The following TENM4 variants were observed in gnomAD, a reference collection of about 807,000 sequenced individuals.
TENM4 encodes the protein teneurin-4.
A neutral mutation model predicts 243.3 loss-of-function variants in TENM4; 82 were observed. That is an observed-to-expected ratio of 0.34 (90% CI 0.28 to 0.40). The LOEUF (loss-of-function observed/expected upper bound fraction) is 0.40. Ranked by LOEUF, TENM4 falls within the 10% of genes least tolerant of loss-of-function variation. The pLI is 1.00. For synonymous variants in TENM4, 1,412 were observed against 1,456.3 expected, an observed-to-expected ratio of 0.97 and a Z score of 0.69; for missense variants, 3,138 against 3,673.3, an observed-to-expected ratio of 0.85 and a Z score of 3.77.
At chr11:79,276,361 A>G (rs891722064) in intron 2 of TENM4, among the ~76,000 whole-genome samples, 2 of 152,220 alleles carry the variant, frequency 1.3e-5, no homozygotes, top group Non-Finnish European at 2.9e-5. Flanking sequence ...GAGGAAGGGC[A>G]TTGTCTTCTA....
intron 9 of TENM4, among the ~76,000 whole-genome samples, chr11:78,867,725 T>C (rs1233654992): frequency 6.6e-6 from 1 of 152,082 alleles, no homozygotes; most frequent in African/African-American, 2.4e-5. Context: ...TAAAAGTAGG[T>C]TGAAAAAACA....
chr11:79,324,171 C>T (rs1429166282), intron 1 of TENM4, among the ~76,000 whole-genome samples: 1 of 151,942 alleles, frequency 6.6e-6, no homozygotes, highest in Non-Finnish European at 1.5e-5. Context: ...ATTTTTTACT[C>T]ATTATTTTTA....
intron 3 of TENM4, among the ~76,000 whole-genome samples, chr11:79,192,416 G>T (rs1863533421): frequency 6.6e-6 from 1 of 152,196 alleles, no homozygotes; most frequent in Non-Finnish European, 1.5e-5. Context: ...ATTTTGTTCT[G>T]TACTAAGAAA....
rs554559558 is a variant in TENM4 at position 78,772,960 on chromosome 11, G to A, written c.2393-1822C>T. 2.6e-5 allele frequency among the ~76,000 whole-genome samples: 4 copies of A among 152,352 alleles called. No homozygotes were observed. In the South Asian group the frequency reaches 8.3e-4, roughly 32 times the overall value. ...AGTGATTGAGAAAGAAGTTTTAAAA[G>A]CGAGCCCCAGGAGCAGAGCTGTGAC... On this transcript the variant is annotated intron_variant, in intron 17 of 33. Transcript: ENST00000278550.
At chr11:79,077,420 A>C (rs1018549128) in intron 4 of TENM4, among the ~76,000 whole-genome samples, 8 of 152,210 alleles carry the variant, frequency 5.3e-5, no homozygotes, top group Non-Finnish European at 7.3e-5. Flanking sequence ...AAGGAGAGAA[A>C]AAAGTTTAGA....
rs982389369 is a variant in TENM4, at chr11:79,438,085, G to A, written c.-321+2424C>T. Among the ~76,000 whole-genome samples, 12 of 152,232 alleles carry A rather than the reference G, an allele frequency of 7.9e-5. 1 individual carries two copies. The highest frequency in any genetic ancestry group is 3.9e-4 in the Admixed American group (6 of 15,298). On this transcript the variant is annotated intron_variant, in intron 1 of 33. Coordinates refer to ENST00000278550, the MANE Select transcript of TENM4 (RefSeq NM_001098816.3). This position sits in a 1 kb window ranked among gnomAD's most constrained non-coding sequence, Gnocchi z 4.1. ...GGGATTTCAGTGGGAGGGGACGAGA[G>A]GTTTCAGGACGCTGGAATGTGGCAA...
chr11:79,072,415 A>G (rs1860437001), intron 4 of TENM4, among the ~76,000 whole-genome samples: 1 of 151,880 alleles, frequency 6.6e-6, no homozygotes, highest in Non-Finnish European at 1.5e-5. Flanking sequence ...TGGGCCCAGG[A>G]GGTCAAGGCT....
chr11:78,961,548 G>A (rs1328386026), intron 6 of TENM4, among the ~76,000 whole-genome samples: 1 of 152,236 alleles, frequency 6.6e-6, no homozygotes, highest in East Asian at 1.9e-4. Flanking sequence ...TCTCTCTGCA[G>A]CCGGCATTTA....
intron 20 of TENM4, among the ~76,000 whole-genome samples, chr11:78,734,256 T>C (rs576771519): frequency 6.6e-6 from 1 of 152,222 alleles, no homozygotes; most frequent in East Asian, 1.9e-4. Flanking sequence ...GTCCTTTCTC[T>C]TCTTAAAACA....
Position 79,360,265 on chromosome 11 carries a change from C to T in TENM4, c.-320-62722G>A, listed in dbSNP as rs549808376. ...GGGCATACAACAAATGCTTGTTAAA[C>T]TGATTTCAAAAATTTCTTGTACAAT... On this transcript the variant is annotated intron_variant, in intron 1 of 33. Transcript: ENST00000278550. Among the ~76,000 whole-genome samples, 4 of 152,300 alleles carry T rather than the reference C, an allele frequency of 2.6e-5. No individual in the cohort carries two copies. The South Asian group carries it at 8.3e-4, about 32-fold the overall frequency.
At chr11:79,189,594 C>G (rs28683720) in intron 3 of TENM4, among the ~76,000 whole-genome samples, 33 of 152,360 alleles carry the variant, frequency 2.2e-4, no homozygotes, top group African/African-American at 7.7e-4. Flanking sequence ...TAGCACTACT[C>G]TCTCTCCTAG....
At chr11:78,828,467 G>T (rs1046381167) in intron 12 of TENM4, among the ~76,000 whole-genome samples, 2 of 152,212 alleles carry the variant, frequency 1.3e-5, no homozygotes, top group African/African-American at 4.8e-5. Context: ...TAGCAAGATG[G>T]ATAAATTCTC....
intron 12 of TENM4, among the ~76,000 whole-genome samples, chr11:78,850,230 T>A (rs1487298810): frequency 2.6e-5 from 4 of 152,204 alleles, no homozygotes; most frequent in Non-Finnish European, 5.9e-5. Context: ...TGGATTGCAT[T>A]AAATGGAGGA....
intron 18 of TENM4, among the ~76,000 whole-genome samples, chr11:78,762,067 G>A (rs906987286): frequency 6.6e-6 from 1 of 152,158 alleles, no homozygotes; most frequent in Non-Finnish European, 1.5e-5. Context: ...TGTCATCAGA[G>A]AATCTCTGTA....
Position 79,110,369 on chromosome 11 carries a change from G to A in TENM4, c.-66+38341C>T, listed in dbSNP as rs77889439. Reference sequence around the variant, plus strand: ...CACCCTGAAGCAGAAGGGGTTGAGAGCTGTGCTCCCCTGTAATGGCACTCA... The same window carrying A: ...CACCCTGAAGCAGAAGGGGTTGAGAACTGTGCTCCCCTGTAATGGCACTCA... On this transcript the variant is annotated intron_variant, in intron 4 of 33. Coordinates refer to ENST00000278550, the MANE Select transcript of TENM4 (RefSeq NM_001098816.3). Among the ~76,000 whole-genome samples the A allele has an allele frequency of 3.0e-3, 458 of 152,328 alleles. 24 individuals carry two copies. The East Asian group carries it at 0.081, about 27-fold the overall frequency.
At chr11:79,194,623 T>C in intron 3 of TENM4, among the ~76,000 whole-genome samples, 1 of 152,102 alleles carries the variant, frequency 6.6e-6, no homozygotes, top group East Asian at 1.9e-4. Flanking sequence ...AATTTGAACT[T>C]GAGAGAGATG....
intron 2 of TENM4, among the ~76,000 whole-genome samples, chr11:79,243,792 A>C (rs1404346147): frequency 6.6e-6 from 1 of 152,214 alleles, no homozygotes; most frequent in East Asian, 1.9e-4. Context: ...GGCTCAGATA[A>C]GTCATGTGCC....
At chr11:79,353,280 G>A (rs1437275661) in intron 1 of TENM4, among the ~76,000 whole-genome samples, 1 of 152,060 alleles carries the variant, frequency 6.6e-6, no homozygotes, top group African/African-American at 2.4e-5. Context: ...TTTCTTTGGG[G>A]GGTTTTCCTT....
At chr11:79,219,245 G>A (rs910105684) in intron 2 of TENM4, among the ~76,000 whole-genome samples, 1 of 152,252 alleles carries the variant, frequency 6.6e-6, no homozygotes, top group Non-Finnish European at 1.5e-5. Flanking sequence ...TTTCCAGCAT[G>A]TGTAAGCTGT....
Sources: gnomAD v4.1 joint callset for allele counts (sites outside exome capture counted in the v4.1 genomes callset) on GRCh38, gnomAD v4.1.1 for gene constraint, Gnocchi (gnomAD v3.1) non-coding constraint, MANE v1.5 for transcripts, NCBI Gene and HGNC (gene_info 2026-07-23, HGNC 2026-07-21) for gene names.